The following ARMC6 variants were observed in gnomAD, a reference collection of about 807,000 sequenced individuals.
ARMC6 encodes armadillo repeat-containing protein 6.
Under a neutral mutation model 49.2 loss-of-function variants are expected in ARMC6, and 43 were observed. The observed-to-expected ratio is 0.87, with a 90% confidence interval of 0.69 to 1.13. The LOEUF is 1.13. Ranked by LOEUF, ARMC6 falls within the 50% of genes most tolerant of loss-of-function variation. ARMC6 has a pLI of 0.00. For missense variants in ARMC6, 627 were observed against 682.0 expected (o/e 0.92, Z 0.90); for synonymous variants, 262 against 289.6 (o/e 0.90, Z 0.97).
chr19:19,041,899 C>T (rs1002307178), intron 2 of ARMC6, among the ~76,000 whole-genome samples: 1 of 151,752 alleles, frequency 6.6e-6, no homozygotes, highest in East Asian at 1.9e-4. Context: ...GTTGATAGTA[C>T]GATGTTAGAA....
Position 19,057,997 on chromosome 19 carries a change from TG to T in ARMC6, c.*373del, listed in dbSNP as rs2059559242. The stretch of plus-strand genomic sequence containing the variant: ...CTCAGGGCAGGGCAGGCGATTCCAG[TG>T]GGGTTGGGCCCCCTGGCGCCTGCTG... On this transcript the variant is annotated 3_prime_UTR_variant, in exon 9 of 9. Transcript: ENST00000535612. 2 of 357,090 alleles carry T rather than the reference TG, an allele frequency of 5.6e-6. No individual in the cohort carries two copies. The highest frequency in any genetic ancestry group is 2.1e-5 in the African/African-American group (1 of 47,310). The allele number at this position is 357,090 out of a possible 1,614,324, so 22.1% of individuals were successfully genotyped here. A position where few individuals can be genotyped will look rare whatever the true frequency, so the allele number is the denominator to read the frequency against.
At position 19,055,306 on chromosome 19, in the gene ARMC6, A is replaced by T; in HGVS notation, c.1065A>T (p.Ala355=). The T allele has an allele frequency of 1.2e-6, 2 of 1,612,656 alleles. No homozygotes were observed. The highest frequency in any genetic ancestry group is 1.7e-6 in the Non-Finnish European group (2 of 1,179,224). Residue 355 remains alanine (A), a synonymous_variant, in exon 7 of 9, where the codon GCA becomes GCT. Transcript: ENST00000535612. The surrounding 1 kb of genome is among the most constrained non-coding windows in gnomAD (Gnocchi z 5.7). ...KQVLSTLRAI[A]GNDDVKDAIV... ...TGCTGAGCACCCTGCGAGCCATCGC[A>T]GGCAACGACGACGTGAAAGATGCTA...
At chr19:19,034,324 T>G in intron 2 of ARMC6, 86 bp downstream of exon 2, 1 of 1,492,054 alleles carries the variant, frequency 6.7e-7, no homozygotes, top group Non-Finnish European at 9.1e-7. Context: ...GGCTGTCTCT[T>G]GAGTGCTGGG....
Position 19,034,253 on chromosome 19 carries a change from A to G in ARMC6, c.29+15A>G, listed in dbSNP as rs770708438. 4.5e-5 allele frequency: 71 copies of G among 1,593,174 alleles called. No homozygotes were observed. Among genetic ancestry groups the G allele is most frequent in the Non-Finnish European group, 5.5e-5 (65 of 1,177,576 alleles). On this transcript the variant is annotated intron_variant, in intron 2 of 8. Transcript: ENST00000535612. ...TCTAGATACAGGTAATGGTGTGCAAATAATAACAGAGTGATGGGACGGGAA... is the reference window on the plus strand; with the variant it reads ...TCTAGATACAGGTAATGGTGTGCAAGTAATAACAGAGTGATGGGACGGGAA...
chr19:19,057,757 C>G lies in ARMC6; in HGVS notation c.*129C>G, dbSNP rs1267712656. 1.1e-6 allele frequency: 1 copy of G among 947,030 alleles called. No individual in the cohort carries two copies. 58.7% of individuals were successfully genotyped at this position (947,030 alleles called of 1,614,324 possible). ...AATGAGAAGTGTTTTCTGGCAGGCC[C>G]TAGGTAAAGGGTCGGGGGAGGGGGG... On this transcript the variant is annotated 3_prime_UTR_variant, in exon 9 of 9. Coordinates refer to ENST00000535612, the MANE Select transcript of ARMC6 (RefSeq NM_001199196.2).
intron 4 of ARMC6, among the ~76,000 whole-genome samples, chr19:19,048,734 A>G (rs1292976019): frequency 1.3e-5 from 2 of 152,200 alleles, no homozygotes; most frequent in Admixed American, 1.3e-4. Flanking sequence ...CAGGGAAAAG[A>G]CCTGGAAAGG....
At chr19:19,048,359 A>G (rs975156659) in intron 4 of ARMC6, among the ~76,000 whole-genome samples, 2 of 151,666 alleles carry the variant, frequency 1.3e-5, no homozygotes, top group South Asian at 4.2e-4. Context: ...AAAAACAAAA[A>G]ACAAAAAACA....
At chr19:19,057,276 A>G in intron 8 of ARMC6, 140 bp from the exon 9 acceptor site, 1 of 686,720 alleles carries the variant, frequency 1.5e-6, no homozygotes, top group Non-Finnish European at 2.4e-6. Context: ...AGATGGGTCT[A>G]GCTTGATACA....
intron 4 of ARMC6, among the ~76,000 whole-genome samples, chr19:19,044,300 C>A (rs942965168): frequency 5.9e-5 from 9 of 152,238 alleles, no homozygotes; most frequent in African/African-American, 2.2e-4. Flanking sequence ...ATGCTGAAAT[C>A]AGGTAGATGG....
rs2059537798 is a variant in ARMC6 at position 19,055,659 on chromosome 19, T to C, written c.1156-132T>C. On this transcript the variant is annotated intron_variant, in intron 7 of 8. Transcript: ENST00000535612. This position sits in a 1 kb window ranked among gnomAD's most constrained non-coding sequence, Gnocchi z 5.7. ...GCTGATATTTTTGTCACCCTGCCAT[T>C]ATTACACAGGAGTTGCCAGAGACCC... The C allele has an allele frequency of 7.5e-7, 1 of 1,330,824 alleles. No individual in the cohort carries two copies. Among genetic ancestry groups the C allele is most frequent in the Non-Finnish European group, 1.0e-6 (1 of 982,914 alleles). The allele number at this position is 1,330,824 out of a possible 1,614,324, so 82.4% of individuals were successfully genotyped here. A position where few individuals can be genotyped will look rare whatever the true frequency, so the allele number is the denominator to read the frequency against.
At chr19:19,034,492 C>G (rs1329656217) in intron 2 of ARMC6, among the ~76,000 whole-genome samples, 1 of 152,128 alleles carries the variant, frequency 6.6e-6, no homozygotes, top group African/African-American at 2.4e-5. Flanking sequence ...GCAGGTGACG[C>G]CGCCCTTAGG....
intron 2 of ARMC6, chr19:19,040,881 CA>C: frequency 3.4e-6 from 1 of 293,136 alleles, no homozygotes; most frequent in South Asian, 2.5e-5. Flanking sequence ...AGCTACCAGG[CA>C]TCCCTTAGGG....
At chr19:19,052,332 G>T (rs1410845751) in intron 5 of ARMC6, 137 bp downstream of exon 5, 5 of 787,096 alleles carry the variant, frequency 6.4e-6, no homozygotes, top group Non-Finnish European at 7.9e-6. Flanking sequence ...AGACCTGCCT[G>T]CATGGCAGCC....
chr19:19,055,198 C>CT lies in ARMC6; in HGVS notation c.1024-66dup. On this transcript the variant is annotated intron_variant, in intron 6 of 8. Coordinates refer to ENST00000535612, the MANE Select transcript of ARMC6 (RefSeq NM_001199196.2). The surrounding 1 kb of genome is among the most constrained non-coding windows in gnomAD (Gnocchi z 5.7). ...TCAAACAGCAAAACAGCCCCACATT[C>CT]TCCCTCAGAGCCCTCTCCCACAACC... 1 of 1,508,978 alleles carries CT rather than the reference C, an allele frequency of 6.6e-7. No homozygotes were observed. Among genetic ancestry groups the CT allele is most frequent in the Non-Finnish European group, 8.8e-7 (1 of 1,130,666 alleles). The allele number at this position is 1,508,978 out of a possible 1,614,324, so 93.5% of individuals were successfully genotyped here. A position where few individuals can be genotyped will look rare whatever the true frequency, so the allele number is the denominator to read the frequency against.
intron 2 of ARMC6, among the ~76,000 whole-genome samples, chr19:19,034,510 G>T (rs1424239991): frequency 6.6e-6 from 1 of 152,186 alleles, no homozygotes; most frequent in Non-Finnish European, 1.5e-5. Context: ...AGGGGAGGCT[G>T]GTGTTTGAAC....
At chr19:19,051,535 G>A in intron 4 of ARMC6, 87 bp from the exon 5 acceptor site, 1 of 1,276,698 alleles carries the variant, frequency 7.8e-7, no homozygotes, top group Non-Finnish European at 1.1e-6. Flanking sequence ...CCAGGGGAGG[G>A]AACCTTGCAG....
intron 2 of ARMC6, chr19:19,037,534 T>C (rs774729414): frequency 3.1e-6 from 2 of 653,004 alleles, no homozygotes; most frequent in South Asian, 3.0e-5. Context: ...ACCTGGCTAA[T>C]TTTGGTATTT....
In ARMC6 at chr19:19,042,827, T is replaced by C. The variant is rs202068552; in HGVS notation, c.146T>C (p.Met49Thr). ...CGCGAGAACATCGAGGAGTTTGCGATGGGGCCAGAGGAGGCAGTGAAAGAG... is the reference window on the plus strand; with the variant it reads ...CGCGAGAACATCGAGGAGTTTGCGACGGGGCCAGAGGAGGCAGTGAAAGAG... ...AVRENIEEFA[M>T]GPEEAVKEAV... The change falls in exon 3 of 9, where the codon ATG (methionine) becomes ACG (threonine). Residue 49 changes from methionine to threonine, a missense_variant. Physicochemically the swap from Met to Thr is moderately conservative, Grantham distance 81 (BLOSUM62 -1). Coordinates refer to ENST00000535612, the MANE Select transcript of ARMC6 (RefSeq NM_001199196.2). 8.1e-6 allele frequency: 13 copies of C among 1,614,028 alleles called. No homozygotes were observed. Among genetic ancestry groups the C allele is most frequent in the East Asian group, 6.7e-5 (3 of 44,882 alleles).
chr19:19,045,654 A>AT (rs35182072), intron 4 of ARMC6, among the ~76,000 whole-genome samples: 93 of 136,082 alleles, frequency 6.8e-4, no homozygotes, highest in Non-Finnish European at 1.1e-3. Flanking sequence ...TGCCCAGCTA[A>AT]TTTTTTTTTT....
Sources: allele counts gnomAD v4.1 joint callset (sites outside exome capture counted in the v4.1 genomes callset), GRCh38; gene constraint gnomAD v4.1.1; non-coding constraint Gnocchi (gnomAD v3.1); transcripts MANE v1.5; gene names NCBI Gene and HGNC (gene_info 2026-07-23, HGNC 2026-07-21).